Variants in HLA-DPA1 observed in about 807,000 individuals in gnomAD.
HLA-DPA1 encodes the protein major histocompatibility complex, class II, DP alpha 1.
HLA-DPA1 carries 20 observed loss-of-function variants against 21.5 expected under a neutral mutation model. That is an observed-to-expected ratio of 0.93 (90% CI 0.66 to 1.35). The LOEUF is 1.35. Ranked by LOEUF, HLA-DPA1 falls within the 40% of genes most tolerant of loss-of-function variation. The pLI, the probability that HLA-DPA1 is intolerant of heterozygous loss-of-function variation, is 0.00. For synonymous variants in HLA-DPA1, 123 were observed against 129.6 expected, an observed-to-expected ratio of 0.95 and a Z score of 0.35; for missense variants, 279 against 323.0, an observed-to-expected ratio of 0.86 and a Z score of 1.05.
intron 1 of HLA-DPA1, among the ~76,000 whole-genome samples, chr6:33,077,840 G>A (rs1762624378): frequency 2.0e-5 from 3 of 152,134 alleles, no homozygotes; most frequent in African/African-American, 7.2e-5. Context: ...GGAATCTCCT[G>A]AATACAGCCC....
intron 1 of HLA-DPA1, among the ~76,000 whole-genome samples, chr6:33,075,737 A>T (rs1026801199): frequency 1.3e-5 from 2 of 152,176 alleles, no homozygotes; most frequent in Non-Finnish European, 2.9e-5. Flanking sequence ...GAAAACGCAT[A>T]ATCTCCCCAA....
At chr6:33,066,620 G>A (rs1761967036) in intron 5 of HLA-DPA1, 1 of 152,176 alleles carries the variant, frequency 6.6e-6, no homozygotes, top group South Asian at 2.1e-4. Flanking sequence ...AAACCAAGGA[G>A]ACAGTTGCCA....
At position 33,076,440 on chromosome 6, in the gene HLA-DPA1, G is replaced by C. The variant is rs11751700; in HGVS notation, c.-99-2771C>G. ...TAACCTTGGACAGACAAGGTTTGCA[G>C]AGAGAGAAGTTGGCAAGTGCAGGCT... On this transcript the variant is annotated intron_variant, in intron 1 of 5. Transcript: ENST00000419277. Among the ~76,000 whole-genome samples, 819 of 152,308 alleles carry C rather than the reference G, an allele frequency of 5.4e-3. 2 individuals are homozygous for C. Among genetic ancestry groups the C allele is most frequent in the Middle Eastern group, 6.8e-3 (2 of 294 alleles).
At chr6:33,078,947 G>C (rs1398518139) in intron 1 of HLA-DPA1, among the ~76,000 whole-genome samples, 1 of 152,142 alleles carries the variant, frequency 6.6e-6, no homozygotes, top group Admixed American at 6.5e-5. Flanking sequence ...GAGCTGGGGG[G>C]CTCTGGGCCT....
At chr6:33,069,815 C>T in exon 3 of HLA-DPA1, 1 of 1,610,914 alleles carries the variant, frequency 6.2e-7, no homozygotes, top group Non-Finnish European at 8.5e-7. Flanking sequence ...TCATCTTCAT[C>T]AAATTCAAAC....
chr6:33,072,534 TA>T lies in HLA-DPA1; in HGVS notation c.100+936del, dbSNP rs555840175. Among the ~76,000 whole-genome samples the T allele has an allele frequency of 8.5e-5, 13 of 152,278 alleles. No individual in the cohort carries two copies. The South Asian group carries it at 2.7e-3, about 32-fold the overall frequency. ...GTTTATTATAACATAACATTAGAAA[TA>T]ACTCAGGTGACCGCGAACAGGGCAA... On this transcript the variant is annotated intron_variant, in intron 2 of 5. Coordinates refer to ENST00000419277, the Ensembl canonical transcript of HLA-DPA1.
chr6:33,079,830 T>C (rs1191647241), intron 1 of HLA-DPA1: 1 of 432,356 alleles, frequency 2.3e-6, no homozygotes. Context: ...CCAACCCCAG[T>C]ACCAGGGTGC....
At chr6:33,064,808 A>C (rs17214562) in exon 6 of HLA-DPA1, 44,008 of 152,068 alleles carry the variant, frequency 0.29, 8,427 homozygotes, top group East Asian at 0.69. Context: ...AATTTCCCCC[A>C]AATATCCTTT....
At chr6:33,066,983 C>T (rs1761988806) in intron 5 of HLA-DPA1, 1 of 152,162 alleles carries the variant, frequency 6.6e-6, no homozygotes. Flanking sequence ...ATGAGTACAG[C>T]CATTCTGATG....
At chr6:33,078,822 T>C (rs1562144177) in intron 1 of HLA-DPA1, among the ~76,000 whole-genome samples, 2 of 152,088 alleles carry the variant, frequency 1.3e-5, no homozygotes, top group Non-Finnish European at 2.9e-5. Context: ...TTACTGGTGA[T>C]TGAGGAGGAG....
At chr6:33,072,741 A>G (rs1299328779) in intron 2 of HLA-DPA1, among the ~76,000 whole-genome samples, 4 of 152,210 alleles carry the variant, frequency 2.6e-5, no homozygotes, top group South Asian at 2.1e-4. Flanking sequence ...AGCTACAGGA[A>G]AAAGGAGCAT....
chr6:33,064,667 G>A (rs1761866930), exon 6 of HLA-DPA1: 1 of 152,162 alleles, frequency 6.6e-6, no homozygotes, highest in East Asian at 1.9e-4. Context: ...CCTTGGGAAG[G>A]AAGCTCAGGG....
chr6:33,078,781 A>G (rs1214484286), intron 1 of HLA-DPA1, among the ~76,000 whole-genome samples: 1 of 152,244 alleles, frequency 6.6e-6, no homozygotes, highest in East Asian at 1.9e-4. Flanking sequence ...AAAAAATTCA[A>G]AATTCTTATT....
intron 1 of HLA-DPA1, among the ~76,000 whole-genome samples, chr6:33,077,531 C>T (rs1366956237): frequency 1.3e-5 from 2 of 152,018 alleles, no homozygotes; most frequent in African/African-American, 2.4e-5. Flanking sequence ...GTTAAAATGG[C>T]GATCATTAAA....
chr6:33,069,945 C>G lies in HLA-DPA1; in HGVS notation c.101-59G>C, dbSNP rs146956698. ...ATGTCAGTTTGAATATGCAAGTGGT[C>G]AAAGCTAGAGAATGAATAAAGACTT... is the stretch of plus-strand genomic sequence containing the variant. On this transcript the variant is annotated intron_variant, in intron 2 of 5. Transcript: ENST00000419277. 1,894 of 1,497,672 alleles carry G rather than the reference C, an allele frequency of 1.3e-3. 29 individuals are homozygous for G. The East Asian group carries it at 0.013, about 11-fold the overall frequency. 92.8% of individuals were successfully genotyped at this position (1,497,672 alleles called of 1,614,324 possible).
chr6:33,069,305 A>G lies in HLA-DPA1; in HGVS notation c.347-5T>C, dbSNP rs34140193. On this transcript the variant is annotated splice_region_variant and splice_polypyrimidine_tract_variant and intron_variant, in intron 3 of 5. Transcript: ENST00000419277. ...ACACGGTCACCTCAGGGGGATCTGG[A>G]AGGAGACAGCACCAGGTTAGGCCCC... 0.21 allele frequency: 336,050 copies of G among 1,596,876 alleles called. 46,843 individuals carry two copies. Among genetic ancestry groups the G allele is most frequent in the East Asian group, 0.64 (28,543 of 44,554 alleles).
At chr6:33,068,985 C>T in intron 4 of HLA-DPA1, 34 bp downstream of exon 3, 3 of 1,605,878 alleles carry the variant, frequency 1.9e-6, no homozygotes, top group Non-Finnish European at 8.5e-7. Context: ...ATAGAGGATG[C>T]CAGGAGATTA....
exon 2 of HLA-DPA1, chr6:33,073,594 CTG>C (rs1207947850): frequency 6.4e-7 from 1 of 1,552,730 alleles, no homozygotes; most frequent in Non-Finnish European, 8.9e-7. Context: ...TAATTGATGA[CTG>C]TGAGCACAGG....
At chr6:33,071,999 C>T (rs140747494) in intron 2 of HLA-DPA1, among the ~76,000 whole-genome samples, 59 of 152,202 alleles carry the variant, frequency 3.9e-4, no homozygotes, top group Non-Finnish European at 6.8e-4. Flanking sequence ...TAAGATTTTC[C>T]AGGAAGAGTG....
Sources: allele counts gnomAD v4.1 joint callset (sites outside exome capture counted in the v4.1 genomes callset), GRCh38; gene constraint gnomAD v4.1.1; transcripts MANE v1.5; gene names NCBI Gene and HGNC (gene_info 2026-07-23, HGNC 2026-07-21).